The following FHIT variants were observed in gnomAD, a reference collection of about 807,000 sequenced individuals.
FHIT encodes fragile histidine triad diadenosine triphosphatase.
A neutral mutation model predicts 17.9 loss-of-function variants in FHIT; 19 were observed. That is an observed-to-expected ratio of 1.06 (90% CI 0.74 to 1.56). The LOEUF (loss-of-function observed/expected upper bound fraction) is 1.56. Among genes scored for constraint, FHIT ranks in the 40% most tolerant of loss-of-function variants. The probability of loss-of-function intolerance (pLI) is 0.00; values close to 1 mark genes in which losing one functional copy is unlikely to be tolerated. For missense variants in FHIT, 248 were observed against 189.2 expected, an observed-to-expected ratio of 1.31 and a Z score of -1.82; for synonymous variants, 81 against 69.7, an observed-to-expected ratio of 1.16 and a Z score of -0.81.
chr3:60,854,891 G>A (rs1298645577), intron 3 of FHIT, among the ~76,000 whole-genome samples: 1 of 152,096 alleles, frequency 6.6e-6, no homozygotes, highest in Non-Finnish European at 1.5e-5. Flanking sequence ...GTGGATCTTA[G>A]GAAGGGAACA....
chr3:61,196,557 G>C (rs950994861), intron 2 of FHIT, among the ~76,000 whole-genome samples: 1 of 152,142 alleles, frequency 6.6e-6, no homozygotes, highest in African/African-American at 2.4e-5. Context: ...ATTGGGCTGA[G>C]GATGGTGGAA....
At chr3:60,709,621 G>C (rs2041465507) in intron 4 of FHIT, among the ~76,000 whole-genome samples, 1 of 152,170 alleles carries the variant, frequency 6.6e-6, no homozygotes, top group Non-Finnish European at 1.5e-5. Flanking sequence ...TGGTTCATTG[G>C]ATTATGCAGA....
chr3:60,181,293 C>T (rs1371823171), intron 5 of FHIT, among the ~76,000 whole-genome samples: 1 of 151,814 alleles, frequency 6.6e-6, no homozygotes, highest in Non-Finnish European at 1.5e-5. Context: ...TTACAGGTGC[C>T]CACCACCACA....
At chr3:61,063,964 T>C (rs9875984) in intron 2 of FHIT, among the ~76,000 whole-genome samples, 91,205 of 152,016 alleles carry the variant, frequency 0.6, 28,242 homozygotes, top group Non-Finnish European at 0.65. Context: ...GAGGTGCTTT[T>C]CCAGCAGCCA....
chr3:60,117,851 G>A (rs1347448241), intron 5 of FHIT, among the ~76,000 whole-genome samples: 1 of 152,084 alleles, frequency 6.6e-6, no homozygotes, highest in Non-Finnish European at 1.5e-5. Context: ...GATGTTCAAG[G>A]AGGAAGAAAG....
intron 3 of FHIT, among the ~76,000 whole-genome samples, chr3:60,923,123 C>T (rs1553768811): frequency 6.6e-6 from 1 of 152,184 alleles, no homozygotes; most frequent in South Asian, 2.1e-4. Context: ...CTACAATCTG[C>T]AAGTGGTTTA....
In FHIT at chr3:60,976,096, C is replaced by CTTTTTTTTTTTTTTTTTTTTTTTTTT. The variant is rs869239307; in HGVS notation, c.-111+65925_-111+65950dup. On this transcript the variant is annotated intron_variant, in intron 3 of 9. Transcript: ENST00000492590. Reference sequence around the variant, plus strand: ...CTTTGTATCTTTCGTTTTTCTTTTTCTTTTTTTTTTTTTTTTTTTTTTTTT... The same window carrying CTTTTTTTTTTTTTTTTTTTTTTTTTT: ...CTTTGTATCTTTCGTTTTTCTTTTTCTTTTTTTTTTTTTTTTTTTTTTTTTTTTTTTTTTTTTTTTTTTTTTTTTTT... Among the ~76,000 whole-genome samples the CTTTTTTTTTTTTTTTTTTTTTTTTTT allele has an allele frequency of 1.6e-3, 109 of 66,788 alleles. 24 individuals are homozygous for CTTTTTTTTTTTTTTTTTTTTTTTTTT. The highest frequency in any genetic ancestry group is 3.1e-3 in the African/African-American group (47 of 15,108). The allele number at this position is 66,788 out of a possible 152,430, so 43.8% of individuals were successfully genotyped here.
chr3:60,464,556 C>T (rs999398328), intron 5 of FHIT, among the ~76,000 whole-genome samples: 10 of 152,074 alleles, frequency 6.6e-5, no homozygotes, highest in East Asian at 5.8e-4. Context: ...TCTCTCTTTC[C>T]GTGAGCTCAG....
At chr3:59,910,596 G>A (rs1197012788) in intron 8 of FHIT, among the ~76,000 whole-genome samples, 1 of 152,044 alleles carries the variant, frequency 6.6e-6, no homozygotes, top group Non-Finnish European at 1.5e-5. Flanking sequence ...TAGGTCTTGA[G>A]TTATTAGGTA....
chr3:60,273,593 T>G (rs535572360), intron 5 of FHIT, among the ~76,000 whole-genome samples: 29 of 151,984 alleles, frequency 1.9e-4, no homozygotes, highest in African/African-American at 6.8e-4. Context: ...AGAGCAACAG[T>G]GCAAGACTCC....
chr3:60,049,642 A>G (rs1288211654), intron 5 of FHIT, among the ~76,000 whole-genome samples: 2 of 152,206 alleles, frequency 1.3e-5, no homozygotes, highest in Admixed American at 6.5e-5. Flanking sequence ...TACTTTACAT[A>G]TATTAAATAA....
intron 4 of FHIT, among the ~76,000 whole-genome samples, chr3:60,773,436 GTTCAT>G (rs1315712138): frequency 1.3e-5 from 2 of 152,106 alleles, no homozygotes; most frequent in African/African-American, 2.4e-5. Context: ...AACATTCCTT[GTTCAT>G]TGCATTAGTC....
chr3:60,490,134 G>A (rs992150789), intron 5 of FHIT, among the ~76,000 whole-genome samples: 1 of 151,912 alleles, frequency 6.6e-6, no homozygotes, highest in Non-Finnish European at 1.5e-5. Context: ...GTAATCACAG[G>A]CAAAGATGAT....
chr3:60,407,497 G>A (rs1701909106), intron 5 of FHIT, among the ~76,000 whole-genome samples: 1 of 152,020 alleles, frequency 6.6e-6, no homozygotes, highest in South Asian at 2.1e-4. Context: ...AATGGGAATA[G>A]GATATGCAAA....
chr3:60,637,068 A>G (rs2039606267), intron 4 of FHIT, among the ~76,000 whole-genome samples: 1 of 152,102 alleles, frequency 6.6e-6, no homozygotes, highest in African/African-American at 2.4e-5. Flanking sequence ...GAGAGAAGAG[A>G]AGCTCCAGTT....
chr3:60,311,533 T>G (rs1447258644), intron 5 of FHIT, among the ~76,000 whole-genome samples: 1 of 152,206 alleles, frequency 6.6e-6, no homozygotes. Flanking sequence ...TGAGTGTATA[T>G]TAGGCAGGCA....
chr3:60,877,484 T>C (rs1704721601), intron 3 of FHIT, among the ~76,000 whole-genome samples: 1 of 152,228 alleles, frequency 6.6e-6, no homozygotes, highest in Non-Finnish European at 1.5e-5. Flanking sequence ...TTCTCTCCGC[T>C]GCAACTGTAC....
chr3:60,550,452 A>G (rs1480361738), intron 4 of FHIT, among the ~76,000 whole-genome samples: 4 of 152,194 alleles, frequency 2.6e-5, no homozygotes, highest in Non-Finnish European at 4.4e-5. Flanking sequence ...AAGTATATTA[A>G]GTCATCAACT....
In FHIT at chr3:60,173,900, TATATATATA is replaced by T. The variant is rs1386606269; in HGVS notation, c.104-159757_104-159749del. Among the ~76,000 whole-genome samples the T allele has an allele frequency of 1.3e-3, 102 of 75,992 alleles. 6 individuals are homozygous for T. In the East Asian group the frequency reaches 0.057, roughly 42 times the overall value. 49.9% of individuals were successfully genotyped at this position (75,992 alleles called of 152,430 possible). A position where few individuals can be genotyped will look rare whatever the true frequency, so the allele number is the denominator to read the frequency against. Reference sequence around the variant, plus strand: ...CATGTTTCTAATATATATATATATATATATATATATATATATGTTTTTTTTTTTTTTTGA... The same window carrying T: ...CATGTTTCTAATATATATATATATATTATATATGTTTTTTTTTTTTTTTGA... On this transcript the variant is annotated intron_variant, in intron 5 of 9. Transcript: ENST00000492590.
Sources: gnomAD v4.1 joint callset for allele counts (sites outside exome capture counted in the v4.1 genomes callset) on GRCh38, gnomAD v4.1.1 for gene constraint, MANE v1.5 for transcripts, NCBI Gene and HGNC (gene_info 2026-07-23, HGNC 2026-07-21) for gene names.